PLCD1: variants seen among roughly 807,000 people sequenced by gnomAD.
PLCD1 encodes phospholipase C delta 1.
PLCD1 carries 71 observed loss-of-function variants against 87.4 expected under a neutral mutation model. That is an observed-to-expected ratio of 0.81 (90% CI 0.67 to 0.99). The LOEUF (loss-of-function observed/expected upper bound fraction) is 0.99. Ranked by LOEUF, PLCD1 falls within the 50% of genes least tolerant of loss-of-function variation. The probability of loss-of-function intolerance (pLI) is 0.00; values close to 1 mark genes in which losing one functional copy is unlikely to be tolerated. For synonymous variants in PLCD1, 348 were observed against 399.2 expected (o/e 0.87, Z 1.53); for missense variants, 867 against 1,001.5 (o/e 0.87, Z 1.81).
rs1345814269 is a variant in PLCD1, at chr3:38,007,498, A to AATC, written c.*272_*274dup. 1.6e-6 allele frequency: 1 copy of AATC among 628,682 alleles called. No homozygotes were observed. The highest frequency in any genetic ancestry group is 2.9e-6 in the Non-Finnish European group (1 of 340,276). 38.9% of individuals were successfully genotyped at this position (628,682 alleles called of 1,614,324 possible). ...TCCAGGTAAAGAGACCACAAGGCTTAATCTTATCGTGATTTTTATAAAAAT... is the reference window on the plus strand; with the variant it reads ...TCCAGGTAAAGAGACCACAAGGCTTAATCATCTTATCGTGATTTTTATAAAAAT... On this transcript the variant is annotated 3_prime_UTR_variant, in exon 15 of 15. Coordinates refer to ENST00000334661, the MANE Select transcript of PLCD1 (RefSeq NM_006225.4).
At chr3:38,008,838 G>C (rs1487917333) in intron 11 of PLCD1, 2 of 665,384 alleles carry the variant, frequency 3.0e-6, no homozygotes, top group Middle Eastern at 4.0e-4. Flanking sequence ...GAATTCAAAG[G>C]ACTAGTGTGC....
At chr3:38,008,699 G>T (rs1412860141) in intron 11 of PLCD1, 63 bp from the exon 12 acceptor site, 23 of 1,451,742 alleles carry the variant, frequency 1.6e-5, no homozygotes, top group Non-Finnish European at 2.2e-5. Flanking sequence ...AGCACAGCCT[G>T]CTCAGGGTAC....
rs1425127592 is a variant in PLCD1, at chr3:38,017,066, G to A, written c.200-347C>T. Among the ~76,000 whole-genome samples, 5 of 152,112 alleles carry A rather than the reference G, an allele frequency of 3.3e-5. No homozygotes were observed. The highest frequency in any genetic ancestry group is 1.2e-4 in the African/African-American group (5 of 41,422). On this transcript the variant is annotated intron_variant, in intron 2 of 14. Coordinates refer to ENST00000334661, the MANE Select transcript of PLCD1 (RefSeq NM_006225.4). This position sits in a 1 kb window ranked among gnomAD's most constrained non-coding sequence, Gnocchi z 4.7. ...AGGCCTGCTCTCTCGGTGATGGGGG[G>A]TGCAGGGCCCCAGGGAGAGGACTGG...
At position 38,025,207 on chromosome 3, in the gene PLCD1, C is replaced by T. The variant is rs1392144177; in HGVS notation, c.34+4299G>A. ...AGGGCGGTGTCCAGGCAGGGAGGGG[C>T]GGTCCCTCGGCTTTGGAGGCGGTGC... On this transcript the variant is annotated intron_variant, in intron 1 of 14. Coordinates refer to ENST00000334661, the MANE Select transcript of PLCD1 (RefSeq NM_006225.4). The surrounding 1 kb of genome is among the most constrained non-coding windows in gnomAD (Gnocchi z 4.0). 2.0e-5 allele frequency among the ~76,000 whole-genome samples: 3 copies of T among 152,084 alleles called. No homozygotes were observed. The highest frequency in any genetic ancestry group is 7.2e-5 in the African/African-American group (3 of 41,406).
Position 38,009,647 on chromosome 3 carries a change from TC to T in PLCD1, c.1446+5del. 1.9e-6 allele frequency: 3 copies of T among 1,613,766 alleles called. No homozygotes were observed. The highest frequency in any genetic ancestry group is 1.7e-6 in the Non-Finnish European group (2 of 1,179,950). On this transcript the variant is annotated splice_donor_5th_base_variant and intron_variant, in intron 9 of 14. Transcript: ENST00000334661. ...GGCTGCCCCACCCCACAGCTCCCCCTCAAACCTTGGGCTTGTGCTGCACACG... is the reference window on the plus strand; with the variant it reads ...GGCTGCCCCACCCCACAGCTCCCCCTAAACCTTGGGCTTGTGCTGCACACG...
Position 38,029,547 on chromosome 3 carries a change from G to A in PLCD1, c.-8C>T, listed in dbSNP as rs1188393608. On this transcript the variant is annotated 5_prime_UTR_variant, in exon 1 of 15. Coordinates refer to ENST00000334661, the MANE Select transcript of PLCD1 (RefSeq NM_006225.4). ...GTCCCGGCCCGAGTCCATGCCCGAC[G>A]GGCGGCGCGGCGGGAGGGGCACCGC... 11 of 1,537,178 alleles carry A rather than the reference G, an allele frequency of 7.2e-6. No individual in the cohort carries two copies. Among genetic ancestry groups the A allele is most frequent in the Middle Eastern group, 2.2e-4 (1 of 4,542 alleles).
intron 5 of PLCD1, among the ~76,000 whole-genome samples, chr3:38,010,800 G>A (rs946035474): frequency 6.6e-6 from 1 of 152,168 alleles, no homozygotes; most frequent in African/African-American, 2.4e-5. Flanking sequence ...CCTGAGGACA[G>A]GGTGTCATCT....
rs1700343228 is a variant in PLCD1 at position 38,029,600 on chromosome 3, G to C, written c.-61C>G. 4 of 1,484,048 alleles carry C rather than the reference G, an allele frequency of 2.7e-6. No homozygotes were observed. In the Admixed American group the frequency reaches 5.9e-5, roughly 22 times the overall value. The allele number at this position is 1,484,048 out of a possible 1,614,324, so 91.9% of individuals were successfully genotyped here. On this transcript the variant is annotated 5_prime_UTR_variant, in exon 1 of 15. Transcript: ENST00000334661. ...GACTCACTTGAGTAGCGACAGCACC[G>C]GCGGCCTGGGGTCCGAGCGGAGTGC...
chr3:38,009,500 A>G (rs1236847044), intron 9 of PLCD1, 69 bp from the exon 10 acceptor site: 3 of 1,587,948 alleles, frequency 1.9e-6, no homozygotes, highest in South Asian at 1.1e-5. Context: ...GAAAGCCAGA[A>G]ACCCAGGCGC....
At chr3:38,016,412 C>G (rs1335747900) in intron 3 of PLCD1, 79 bp downstream of exon 3, 21 of 917,002 alleles carry the variant, frequency 2.3e-5, no homozygotes, top group Non-Finnish European at 3.4e-5. Flanking sequence ...AAACCAGCTT[C>G]CATACCCAAG....
chr3:38,013,230 T>C (rs1265134012), intron 3 of PLCD1, among the ~76,000 whole-genome samples: 3 of 145,210 alleles, frequency 2.1e-5, no homozygotes, highest in East Asian at 2.0e-4. Context: ...TTTTTTTTCC[T>C]GAGACGGAGT....
chr3:38,010,593 G>A (rs772407455), intron 5 of PLCD1, 31 bp from the exon 6 acceptor site: 60 of 1,589,342 alleles, frequency 3.8e-5, no homozygotes, highest in Non-Finnish European at 5.0e-5. Context: ...GCCCGTCAGA[G>A]CCAGCCTCCA....
chr3:38,011,781 A>G, intron 3 of PLCD1, 108 bp from the exon 4 acceptor site: 1 of 1,039,224 alleles, frequency 9.6e-7, no homozygotes, highest in East Asian at 2.4e-5. Flanking sequence ...AGCTCCCTGC[A>G]GGCCTGACTT....
Position 38,023,739 on chromosome 3 carries a change from T to C in PLCD1, c.35-3387A>G, listed in dbSNP as rs562257972. Among the ~76,000 whole-genome samples the C allele has an allele frequency of 2.6e-5, 4 of 151,944 alleles. No individual in the cohort carries two copies. In the South Asian group the frequency reaches 6.3e-4, roughly 24 times the overall value. ...ACCCACTGTCACATTGGTTATACAGTCACACTCAGTTGAACAGTATCACAA... is the reference window on the plus strand; with the variant it reads ...ACCCACTGTCACATTGGTTATACAGCCACACTCAGTTGAACAGTATCACAA... On this transcript the variant is annotated intron_variant, in intron 1 of 14. Coordinates refer to ENST00000334661, the MANE Select transcript of PLCD1 (RefSeq NM_006225.4).
At chr3:38,028,069 G>C (rs1324051558) in intron 1 of PLCD1, among the ~76,000 whole-genome samples, 2 of 152,198 alleles carry the variant, frequency 1.3e-5, no homozygotes, top group East Asian at 3.8e-4. Flanking sequence ...AGATATCAAG[G>C]CTGCCTCAGG....
rs775730787 is a variant in PLCD1, at chr3:38,007,751, G to A, written c.*22C>T. 3.8e-6 allele frequency: 6 copies of A among 1,587,352 alleles called. No individual in the cohort carries two copies. In the Admixed American group the frequency reaches 6.7e-5, roughly 18 times the overall value. The stretch of plus-strand genomic sequence containing the variant: ...CAGAGGGCCCAGCCCACTCAGGGGG[G>A]ACCCCACTGGCTTCCTCCAGCCTAG... On this transcript the variant is annotated 3_prime_UTR_variant, in exon 15 of 15. Transcript: ENST00000334661.
At chr3:38,024,731 C>G in intron 1 of PLCD1, 1 of 1,410,178 alleles carries the variant, frequency 7.1e-7, no homozygotes, top group Non-Finnish European at 9.3e-7. Context: ...GAGAGCGAAA[C>G]CGAGGCAAAG....
rs903239467 is a variant in PLCD1 at position 38,017,547 on chromosome 3, G to C, written c.200-828C>G. On this transcript the variant is annotated intron_variant, in intron 2 of 14. Transcript: ENST00000334661. This position sits in a 1 kb window ranked among gnomAD's most constrained non-coding sequence, Gnocchi z 4.7. ...CCAGCCTTCCAAGCTTCAGGGAGAT[G>C]CCAGGCCCTGTCTACCCCCGCTTCC... Among the ~76,000 whole-genome samples the C allele has an allele frequency of 2.0e-5, 3 of 152,132 alleles. No homozygotes were observed. Among genetic ancestry groups the C allele is most frequent in the African/African-American group, 7.2e-5 (3 of 41,430 alleles).
intron 1 of PLCD1, among the ~76,000 whole-genome samples, chr3:38,026,874 C>A (rs1204569851): frequency 6.6e-6 from 1 of 152,240 alleles, no homozygotes; most frequent in Non-Finnish European, 1.5e-5. Flanking sequence ...AGAACCAAAG[C>A]TAGGACTGGA....
Sources: gnomAD v4.1 joint callset for allele counts (sites outside exome capture counted in the v4.1 genomes callset) on GRCh38, gnomAD v4.1.1 for gene constraint, Gnocchi (gnomAD v3.1) non-coding constraint, MANE v1.5 for transcripts, NCBI Gene and HGNC (gene_info 2026-07-23, HGNC 2026-07-21) for gene names.